OXR1: variants seen among roughly 807,000 people sequenced by gnomAD.
OXR1 encodes oxidation resistance 1.
A neutral mutation model predicts 104.6 loss-of-function variants in OXR1; 41 were observed. The observed-to-expected ratio is 0.39, with a 90% CI of 0.31 to 0.51. The LOEUF (loss-of-function observed/expected upper bound fraction) is 0.51, where lower values mean the gene tolerates loss of function less well. Among genes scored for constraint, OXR1 ranks in the 20% least tolerant of loss-of-function variants. The probability of loss-of-function intolerance (pLI) is 0.77; values close to 1 mark genes in which losing one functional copy is unlikely to be tolerated. For synonymous variants in OXR1, 348 were observed against 348.4 expected (o/e 1.00, Z 0.01); for missense variants, 955 against 1,031.9 (o/e 0.93, Z 1.02).
At chr8:106,315,177 T>C (rs1420950959) in intron 1 of OXR1, among the ~76,000 whole-genome samples, 1 of 152,110 alleles carries the variant, frequency 6.6e-6, no homozygotes, top group East Asian at 1.9e-4. Context: ...GTTTTTTGTT[T>C]GTTTGTTTGT....
chr8:106,386,558 A>G (rs1817379445), intron 2 of OXR1, among the ~76,000 whole-genome samples: 2 of 152,180 alleles, frequency 1.3e-5, no homozygotes, highest in South Asian at 4.1e-4. Context: ...TGTGAATCCA[A>G]TCAATTCTGG....
At chr8:106,672,542 A>G (rs920676615) in intron 3 of OXR1, among the ~76,000 whole-genome samples, 1 of 148,132 alleles carries the variant, frequency 6.8e-6, no homozygotes, top group Admixed American at 6.8e-5. Flanking sequence ...GAAAAGAAAA[A>G]GAAAAGAAAG....
At chr8:106,593,675 G>T (rs1045260501) in intron 3 of OXR1, among the ~76,000 whole-genome samples, 32 of 152,268 alleles carry the variant, frequency 2.1e-4, no homozygotes, top group African/African-American at 7.2e-4. Flanking sequence ...TACTCGGGAG[G>T]CTGAGGCAGG....
At chr8:106,380,801 G>T (rs1439519335) in intron 2 of OXR1, among the ~76,000 whole-genome samples, 1 of 152,004 alleles carries the variant, frequency 6.6e-6, no homozygotes, top group African/African-American at 2.4e-5. Context: ...TTTTACTTGG[G>T]TTATTGTATT....
At chr8:106,679,608 C>T (rs1827947244) in intron 4 of OXR1, among the ~76,000 whole-genome samples, 1 of 151,980 alleles carries the variant, frequency 6.6e-6, no homozygotes, top group East Asian at 1.9e-4. Context: ...GAAATGTGAT[C>T]TTCATTATAT....
chr8:106,314,389 T>C (rs527280674), intron 1 of OXR1, among the ~76,000 whole-genome samples: 1 of 152,334 alleles, frequency 6.6e-6, no homozygotes, highest in South Asian at 2.1e-4. Context: ...CAATATTTGA[T>C]ATGTTAATTA....
chr8:106,358,527 C>G (rs903901115), intron 1 of OXR1, among the ~76,000 whole-genome samples: 12 of 152,156 alleles, frequency 7.9e-5, no homozygotes, highest in Non-Finnish European at 1.3e-4. Flanking sequence ...AGCACAAGAA[C>G]AATGTCTTAT....
intron 1 of OXR1, among the ~76,000 whole-genome samples, chr8:106,337,312 T>C (rs948364865): frequency 9.2e-5 from 14 of 152,316 alleles, no homozygotes; most frequent in Admixed American, 2.0e-4. Context: ...AAGTAAGAGC[T>C]TATAGAAAAT....
chr8:106,611,820 G>A (rs1344096276), intron 3 of OXR1, among the ~76,000 whole-genome samples: 1 of 151,960 alleles, frequency 6.6e-6, no homozygotes, highest in Non-Finnish European at 1.5e-5. Context: ...ATAACATATT[G>A]TTTAAAAAAA....
chr8:106,338,278 A>G (rs1482050606), intron 1 of OXR1, among the ~76,000 whole-genome samples: 2 of 152,054 alleles, frequency 1.3e-5, no homozygotes, highest in Admixed American at 6.6e-5. Flanking sequence ...GCCCCTTACA[A>G]AAAAAAGTAA....
chr8:106,710,006 A>C (rs1425996361), intron 9 of OXR1, among the ~76,000 whole-genome samples: 1 of 152,092 alleles, frequency 6.6e-6, no homozygotes, highest in Non-Finnish European at 1.5e-5. Flanking sequence ...AAGCTAATCA[A>C]TGTCTGGGTT....
At chr8:106,630,254 T>TC (rs1180018064) in intron 3 of OXR1, among the ~76,000 whole-genome samples, 4 of 152,204 alleles carry the variant, frequency 2.6e-5, no homozygotes, top group Non-Finnish European at 5.9e-5. Flanking sequence ...TTACTTACTG[T>TC]CCTTCCCCTC....
intron 2 of OXR1, among the ~76,000 whole-genome samples, chr8:106,448,902 A>T (rs1586654317): frequency 6.6e-6 from 1 of 152,202 alleles, no homozygotes; most frequent in Non-Finnish European, 1.5e-5. Flanking sequence ...TGTTAACATC[A>T]TTTAAATTTC....
intron 2 of OXR1, among the ~76,000 whole-genome samples, chr8:106,489,959 A>G (rs1019793488): frequency 6.6e-6 from 1 of 152,238 alleles, no homozygotes; most frequent in African/African-American, 2.4e-5. Context: ...ATTAAAAATT[A>G]TACCAGGACA....
Position 106,566,339 on chromosome 8 carries a change from A to G in OXR1, c.220+47200A>G, listed in dbSNP as rs944942985. On this transcript the variant is annotated intron_variant, in intron 3 of 16. Transcript: ENST00000517566. The stretch of plus-strand genomic sequence containing the variant: ...ATGAACAGACACTTTTCAAAAGAAA[A>G]CATTTATGTGGCCAACTAACATGAA... 4.6e-5 allele frequency among the ~76,000 whole-genome samples: 7 copies of G among 152,276 alleles called. No homozygotes were observed. In the East Asian group the frequency reaches 1.4e-3, roughly 29 times the overall value.
intron 2 of OXR1, among the ~76,000 whole-genome samples, chr8:106,436,285 A>G (rs1191912565): frequency 6.6e-6 from 1 of 152,100 alleles, no homozygotes; most frequent in Non-Finnish European, 1.5e-5. Flanking sequence ...GTCTACATAT[A>G]AAACTGGAAT....
At chr8:106,339,698 C>A (rs1388512194) in intron 1 of OXR1, among the ~76,000 whole-genome samples, 1 of 150,266 alleles carries the variant, frequency 6.7e-6, no homozygotes, top group Non-Finnish European at 1.5e-5. Flanking sequence ...TGTGTCAGGG[C>A]CTTTATTCAT....
At chr8:106,446,430 C>T (rs28726251) in intron 2 of OXR1, among the ~76,000 whole-genome samples, 8,516 of 151,992 alleles carry the variant, frequency 0.056, 856 homozygotes, top group African/African-American at 0.2. Context: ...CCAGCCTGAC[C>T]AACATGGTGA....
At chr8:106,636,636 G>A (rs976935639) in intron 3 of OXR1, among the ~76,000 whole-genome samples, 3 of 152,118 alleles carry the variant, frequency 2.0e-5, no homozygotes, top group Non-Finnish European at 2.9e-5. Context: ...AATACAAATA[G>A]TTTCTCCTAT....
Sources: gnomAD v4.1 joint callset for allele counts (sites outside exome capture counted in the v4.1 genomes callset) on GRCh38, gnomAD v4.1.1 for gene constraint, MANE v1.5 for transcripts, NCBI Gene and HGNC (gene_info 2026-07-23, HGNC 2026-07-21) for gene names.